RAD21: variants seen among roughly 807,000 people sequenced by gnomAD.
The protein encoded by RAD21 is double-strand-break repair protein rad21 homolog.
RAD21 carries 18 observed loss-of-function variants against 71.5 expected under a neutral mutation model. That is an observed-to-expected ratio of 0.25 (90% CI 0.17 to 0.37). The LOEUF is 0.37. RAD21 is among the 10% of genes least tolerant of loss of function. The pLI, the probability that RAD21 is intolerant of heterozygous loss-of-function variation, is 1.00. For missense variants in RAD21, 493 were observed against 769.1 expected (o/e 0.64, Z 4.25); for synonymous variants, 248 against 254.0 (o/e 0.98, Z 0.22).
intron 8 of RAD21, among the ~76,000 whole-genome samples, chr8:116,855,785 T>C (rs1265262610): frequency 2.0e-5 from 3 of 152,148 alleles, no homozygotes; most frequent in Non-Finnish European, 2.9e-5. Flanking sequence ...TTGTACTTTA[T>C]TGAAAAAAGC....
At chr8:116,864,930 T>G in intron 2 of RAD21, among the ~76,000 whole-genome samples, 1 of 151,476 alleles carries the variant, frequency 6.6e-6, no homozygotes. Flanking sequence ...AGTGGGGGAG[T>G]GGAAGAGAGA....
intron 10 of RAD21, 113 bp from the exon 11 acceptor site, chr8:116,852,209 G>A: frequency 3.0e-6 from 3 of 1,010,290 alleles, no homozygotes; most frequent in Middle Eastern, 2.6e-4. Flanking sequence ...TTTCTTTAAT[G>A]AAGAAGGCCA....
intron 10 of RAD21, 79 bp downstream of exon 10, chr8:116,852,470 C>A: frequency 7.3e-7 from 1 of 1,369,328 alleles, no homozygotes; most frequent in South Asian, 1.6e-5. Flanking sequence ...TCATTTCTTT[C>A]ACTCTGACAG....
At chr8:116,858,510 A>T (rs747762389) in intron 4 of RAD21, 52 bp from the exon 5 acceptor site, 1 of 1,408,958 alleles carries the variant, frequency 7.1e-7, no homozygotes, top group Admixed American at 1.9e-5. Flanking sequence ...TATAAGAAAA[A>T]CAAATCCCAA....
At position 116,846,743 on chromosome 8, in the gene RAD21, T is replaced by C. The variant is rs1193226344; in HGVS notation, c.*757A>G. The stretch of plus-strand genomic sequence containing the variant: ...TTGATTTATAGCTCCTAGAAAGTTA[T>C]GTTTTTTAATAGTCACTCTACTCTA... On this transcript the variant is annotated 3_prime_UTR_variant, in exon 14 of 14. Coordinates refer to ENST00000297338, the MANE Select transcript of RAD21 (RefSeq NM_006265.3). 1.8e-5 allele frequency: 4 copies of C among 219,944 alleles called. No homozygotes were observed. The East Asian group carries it at 2.0e-4, about 11-fold the overall frequency. 13.6% of individuals were successfully genotyped at this position (219,944 alleles called of 1,614,324 possible).
chr8:116,859,195 T>A (rs1812533905), intron 4 of RAD21, among the ~76,000 whole-genome samples: 2 of 152,114 alleles, frequency 1.3e-5, no homozygotes, highest in Non-Finnish European at 2.9e-5. Context: ...GCACTTTGTT[T>A]TACTGAGTTT....
At chr8:116,854,536 C>A in intron 8 of RAD21, 68 bp from the exon 9 acceptor site, 1 of 1,163,536 alleles carries the variant, frequency 8.6e-7, no homozygotes. Flanking sequence ...GCTACAAGAT[C>A]TGGACTGACT....
chr8:116,851,956 C>A lies in RAD21; in HGVS notation c.1462G>T (p.Val488Leu). ...TAGATTTGCTTACTTACAGGCATCACAGGCTCTGGGTCAATTTGTCCAGCT... is the reference window on the plus strand; with the variant it reads ...TAGATTTGCTTACTTACAGGCATCAAAGGCTCTGGGTCAATTTGTCCAGCT... ...RKAGQIDPEP[V>L]MPPQQVEQME... The change falls in exon 11 of 14, where the codon GTG becomes TTG. Residue 488 changes from valine to leucine, a missense_variant. Coordinates refer to ENST00000297338, the MANE Select transcript of RAD21 (RefSeq NM_006265.3). 1 of 1,607,072 alleles carries A rather than the reference C, an allele frequency of 6.2e-7. No individual in the cohort carries two copies. Among genetic ancestry groups the A allele is most frequent in the Non-Finnish European group, 8.5e-7 (1 of 1,174,926 alleles).
At chr8:116,861,369 A>G (rs923325496) in intron 4 of RAD21, among the ~76,000 whole-genome samples, 1 of 151,070 alleles carries the variant, frequency 6.6e-6, no homozygotes, top group Non-Finnish European at 1.5e-5. Context: ...CTCCTCTCAA[A>G]TGTGTGTCAT....
chr8:116,858,030 T>C (rs556360572), intron 5 of RAD21, among the ~76,000 whole-genome samples: 1 of 152,314 alleles, frequency 6.6e-6, no homozygotes, highest in South Asian at 2.1e-4. Context: ...TACCTGTTTT[T>C]GAATAGCAAG....
chr8:116,858,030 T>G (rs556360572), intron 5 of RAD21, among the ~76,000 whole-genome samples: 4 of 152,196 alleles, frequency 2.6e-5, no homozygotes, highest in Non-Finnish European at 5.9e-5. Flanking sequence ...TACCTGTTTT[T>G]GAATAGCAAG....
intron 8 of RAD21, 41 bp from the exon 9 acceptor site, chr8:116,854,509 C>A: frequency 6.8e-7 from 1 of 1,474,326 alleles, no homozygotes; most frequent in Non-Finnish European, 9.5e-7. Context: ...TCCTGAGAGG[C>A]CAGCATGGAA....
intron 1 of RAD21, among the ~76,000 whole-genome samples, chr8:116,868,925 C>T (rs867275145): frequency 2.0e-5 from 3 of 151,212 alleles, no homozygotes; most frequent in South Asian, 4.2e-4. Context: ...CATGCACGCA[C>T]GCACGCACAC....
chr8:116,870,397 T>C (rs1812795178), intron 1 of RAD21, among the ~76,000 whole-genome samples: 2 of 152,176 alleles, frequency 1.3e-5, no homozygotes, highest in Non-Finnish European at 2.9e-5. Flanking sequence ...AATGAAGAAA[T>C]ACTATATTCT....
At chr8:116,863,302 T>G in intron 2 of RAD21, 43 bp from the exon 3 acceptor site, 1 of 1,585,724 alleles carries the variant, frequency 6.3e-7, no homozygotes, top group Non-Finnish European at 8.6e-7. Context: ...CTGCATTTCG[T>G]GCCATTCATA....
At chr8:116,874,133 AGGTTGCTGCTCCCGGGGCT>A (rs1250060405) in intron 1 of RAD21, 1 of 144,514 alleles carries the variant, frequency 6.9e-6, no homozygotes, top group Non-Finnish European at 1.5e-5. Flanking sequence ...GTTCGGCGGA[AGGTTGCTGCTCCCGGGGCT>A]GGCACCGCGG....
At position 116,852,532 on chromosome 8, in the gene RAD21, A is replaced by C. The variant is rs369386009; in HGVS notation, c.1321+17T>G. On this transcript the variant is annotated intron_variant, in intron 10 of 13. Coordinates refer to ENST00000297338, the MANE Select transcript of RAD21 (RefSeq NM_006265.3). ...CTCATGTGAACTTCATCAAGGAACT[A>C]TTCCAACAGAACAAACCGATAACAT... 14 of 1,587,284 alleles carry C rather than the reference A, an allele frequency of 8.8e-6. No individual in the cohort carries two copies. Among genetic ancestry groups the C allele is most frequent in the Non-Finnish European group, 1.1e-5 (13 of 1,166,556 alleles).
intron 4 of RAD21, among the ~76,000 whole-genome samples, chr8:116,860,072 A>G (rs1812557712): frequency 6.6e-6 from 1 of 152,192 alleles, no homozygotes. Context: ...ACTTCAGTGG[A>G]GGCAGTAACT....
intron 9 of RAD21, 77 bp downstream of exon 9, chr8:116,854,168 G>T: frequency 8.3e-7 from 1 of 1,205,208 alleles, no homozygotes; most frequent in Non-Finnish European, 1.2e-6. Flanking sequence ...GATCAAAAAT[G>T]ATTCAAAGGT....
Sources: allele counts gnomAD v4.1 joint callset (sites outside exome capture counted in the v4.1 genomes callset), GRCh38; gene constraint gnomAD v4.1.1; transcripts MANE v1.5; gene names NCBI Gene and HGNC (gene_info 2026-07-23, HGNC 2026-07-21).